CNTN1: variants seen among roughly 807,000 people sequenced by gnomAD.
The protein encoded by CNTN1 is contactin 1, also known as contactin-1.
CNTN1 carries 38 observed loss-of-function variants against 126.4 expected under a neutral mutation model. The observed-to-expected ratio is 0.30, with a 90% CI of 0.23 to 0.39. The LOEUF (loss-of-function observed/expected upper bound fraction) is 0.39, where lower values mean the gene tolerates loss of function less well. Ranked by LOEUF, CNTN1 falls within the 10% of genes least tolerant of loss-of-function variation. The pLI is 1.00. For missense variants in CNTN1, 1,009 were observed against 1,248.4 expected, an observed-to-expected ratio of 0.81 and a Z score of 2.89; for synonymous variants, 413 against 422.6, an observed-to-expected ratio of 0.98 and a Z score of 0.28.
chr12:40,737,455 G>A (rs1432016748), intron 1 of CNTN1, among the ~76,000 whole-genome samples: 3 of 150,704 alleles, frequency 2.0e-5, no homozygotes, highest in Non-Finnish European at 4.4e-5. Context: ...GGAGCAAGGA[G>A]AGCCAGTCTG....
intron 23 of CNTN1, among the ~76,000 whole-genome samples, chr12:41,060,919 A>G (rs1949926124): frequency 6.6e-6 from 1 of 152,184 alleles, no homozygotes; most frequent in Non-Finnish European, 1.5e-5. Context: ...TACATTTAAT[A>G]TTGCAAATTC....
At chr12:40,700,892 T>C (rs1004332108) in intron 1 of CNTN1, among the ~76,000 whole-genome samples, 11 of 152,208 alleles carry the variant, frequency 7.2e-5, no homozygotes, top group African/African-American at 2.7e-4. Context: ...CACATGACCA[T>C]CTCAAAACTT....
chr12:40,962,654 T>A (rs536240431), intron 15 of CNTN1, among the ~76,000 whole-genome samples: 1 of 152,248 alleles, frequency 6.6e-6, no homozygotes, highest in Admixed American at 6.5e-5. Flanking sequence ...TATGAACTAT[T>A]GTAATTCTGT....
At chr12:40,908,277 T>G (rs1944905457) in intron 1 of CNTN1, 80 bp from the exon 2 acceptor site, 5 of 584,706 alleles carry the variant, frequency 8.6e-6, no homozygotes, top group South Asian at 2.2e-5. Flanking sequence ...CTTTCTTTCT[T>G]CTCCTCTCCT....
In CNTN1 at chr12:40,975,224, G is replaced by C. The variant is rs1480701666; in HGVS notation, c.1805-5685G>C. On this transcript the variant is annotated intron_variant, in intron 15 of 23. Coordinates refer to ENST00000551295, the MANE Select transcript of CNTN1 (RefSeq NM_001843.4). ...TATATATATATATATATATATATAT[G>C]TTTTAGTGGACTCTTAAATGTATGT... is the stretch of plus-strand genomic sequence containing the variant. 4.2e-5 allele frequency among the ~76,000 whole-genome samples: 5 copies of C among 118,438 alleles called. No individual in the cohort carries two copies. The East Asian group carries it at 1.2e-3, about 29-fold the overall frequency. The allele number at this position is 118,438 out of a possible 152,430, so 77.7% of individuals were successfully genotyped here. A position where few individuals can be genotyped will look rare whatever the true frequency, so the allele number is the denominator to read the frequency against.
chr12:40,933,229 C>T (rs955557710), intron 7 of CNTN1, among the ~76,000 whole-genome samples: 2 of 151,692 alleles, frequency 1.3e-5, no homozygotes, highest in Non-Finnish European at 2.9e-5. Flanking sequence ...AATTGAGTCA[C>T]AATGGTTATG....
intron 17 of CNTN1, among the ~76,000 whole-genome samples, chr12:41,006,432 G>T (rs1354289716): frequency 1.3e-5 from 2 of 152,200 alleles, no homozygotes; most frequent in African/African-American, 4.8e-5. Context: ...ACTGTGTGTG[G>T]GCATGCTGGA....
rs2121149794 is a variant in CNTN1, at chr12:41,067,343, C to A, written c.2981-2616C>A. On this transcript the variant is annotated intron_variant, in intron 23 of 23. Transcript: ENST00000551295. Reference sequence around the variant, plus strand: ...ATGGCATCCACAATTCACTAAATTTCTTTCGAGCAGCCACAGTTTGTACTT... The same window carrying A: ...ATGGCATCCACAATTCACTAAATTTATTTCGAGCAGCCACAGTTTGTACTT... 2.0e-5 allele frequency among the ~76,000 whole-genome samples: 3 copies of A among 152,226 alleles called. No individual in the cohort carries two copies. In the South Asian group the frequency reaches 6.2e-4, roughly 32 times the overall value.
At chr12:41,050,562 C>T (rs1949652529) in intron 23 of CNTN1, among the ~76,000 whole-genome samples, 1 of 152,124 alleles carries the variant, frequency 6.6e-6, no homozygotes, top group Admixed American at 6.6e-5. Flanking sequence ...TCCACCAGGT[C>T]CCTCCCCCAA....
chr12:40,876,141 CA>C (rs76745017), intron 1 of CNTN1, among the ~76,000 whole-genome samples: 89 of 142,656 alleles, frequency 6.2e-4, no homozygotes, highest in East Asian at 2.6e-3. Flanking sequence ...TAGTAAAAGC[CA>C]AAAAAAAAAA....
At chr12:40,697,041 A>T (rs2121089552) in intron 1 of CNTN1, among the ~76,000 whole-genome samples, 1 of 152,294 alleles carries the variant, frequency 6.6e-6, no homozygotes, top group South Asian at 2.1e-4. Flanking sequence ...TCTATGATAG[A>T]TCTTCAGATT....
intron 15 of CNTN1, chr12:40,972,207 T>A: frequency 4.1e-6 from 4 of 985,392 alleles, no homozygotes; most frequent in Non-Finnish European, 4.8e-6. Flanking sequence ...CATATTTAAT[T>A]TTATTGACTC....
Position 40,908,461 on chromosome 12 carries a change from T to C in CNTN1, c.29T>C (p.Leu10Pro), listed in dbSNP as rs1944914768. 2 of 1,612,664 alleles carry C rather than the reference T, an allele frequency of 1.2e-6. No homozygotes were observed. Among genetic ancestry groups the C allele is most frequent in the Middle Eastern group, 3.3e-4 (2 of 5,992 alleles). MKMWLLVSH[L>P]VIISITTCLA... is the part of the protein sequence containing the mutation. ...AAAATGTGGTTGCTGGTCAGTCATC[T>C]TGTGATAATATCTATTACTACCTGT... Residue 10 changes from leucine (L) to proline (P), a missense_variant, in exon 2 of 24, where the codon CTT (leucine) becomes CCT (proline). Physicochemically the swap from Leu to Pro is moderately conservative, Grantham distance 98. Transcript: ENST00000551295.
At chr12:40,994,817 C>CT (rs1948173506) in intron 17 of CNTN1, among the ~76,000 whole-genome samples, 1 of 151,862 alleles carries the variant, frequency 6.6e-6, no homozygotes, top group Non-Finnish European at 1.5e-5. Flanking sequence ...AGGTTGAAAT[C>CT]TAAGTTTCTA....
intron 15 of CNTN1, among the ~76,000 whole-genome samples, chr12:40,980,259 C>T (rs1411966947): frequency 6.6e-6 from 1 of 151,786 alleles, no homozygotes; most frequent in African/African-American, 2.4e-5. Context: ...ACGGTGAAAC[C>T]CAGTCTCTGC....
rs557569992 is a variant in CNTN1 at position 40,935,976 on chromosome 12, T to C, written c.986-805T>C. Among the ~76,000 whole-genome samples the C allele has an allele frequency of 2.4e-4, 37 of 152,208 alleles. 1 individual carries two copies. The South Asian group carries it at 7.2e-3, about 30-fold the overall frequency. On this transcript the variant is annotated intron_variant, in intron 9 of 23. Transcript: ENST00000551295. ...GTTCCCAGTTTCAAAGAAAATTAAA[T>C]ATTATTCTCCACTCAGGATTCTTTC... is the stretch of plus-strand genomic sequence containing the variant.
chr12:41,004,253 G>A (rs967709893), intron 17 of CNTN1, among the ~76,000 whole-genome samples: 3 of 152,152 alleles, frequency 2.0e-5, no homozygotes, highest in African/African-American at 4.8e-5. Flanking sequence ...GTATGGTGTT[G>A]AGTGAATTTC....
At chr12:40,963,789 C>T (rs1343850675) in intron 15 of CNTN1, among the ~76,000 whole-genome samples, 4 of 152,100 alleles carry the variant, frequency 2.6e-5, no homozygotes, top group South Asian at 4.1e-4. Context: ...GTTGCCTCGT[C>T]AAAGTAAGTG....
intron 1 of CNTN1, among the ~76,000 whole-genome samples, chr12:40,875,713 T>A (rs768462901): frequency 4.6e-5 from 7 of 152,114 alleles, no homozygotes; most frequent in Admixed American, 6.6e-5. Flanking sequence ...TTATAGCTTA[T>A]AGTAGATCAT....
Sources: gnomAD v4.1 joint callset for allele counts (sites outside exome capture counted in the v4.1 genomes callset) on GRCh38, gnomAD v4.1.1 for gene constraint, MANE v1.5 for transcripts, NCBI Gene and HGNC (gene_info 2026-07-23, HGNC 2026-07-21) for gene names.